The following TRAPPC12 variants were observed in gnomAD, a reference collection of about 807,000 sequenced individuals.
TRAPPC12 encodes trafficking protein particle complex subunit 12, also known as TPR repeat protein 15.
Under a neutral mutation model 69.2 loss-of-function variants are expected in TRAPPC12, and 61 were observed. The observed-to-expected ratio is 0.88, with a 90% confidence interval of 0.72 to 1.09. The LOEUF is 1.09. Ranked by LOEUF, TRAPPC12 falls within the 50% of genes least tolerant of loss-of-function variation. TRAPPC12 has a pLI of 0.00. For missense variants in TRAPPC12, 1,101 were observed against 1,016.4 expected, an observed-to-expected ratio of 1.08 and a Z score of -1.13; for synonymous variants, 469 against 438.9, an observed-to-expected ratio of 1.07 and a Z score of -0.86.
intron 5 of TRAPPC12, among the ~76,000 whole-genome samples, chr2:3,425,845 A>G (rs1394254881): frequency 6.6e-6 from 1 of 152,214 alleles, no homozygotes; most frequent in Non-Finnish European, 1.5e-5. Context: ...TTAAATAAAC[A>G]TTCTGTTGAA....
chr2:3,387,582 A>T, intron 1 of TRAPPC12, 38 bp from the exon 2 acceptor site: 1 of 1,447,498 alleles, frequency 6.9e-7, no homozygotes, highest in South Asian at 1.4e-5. Flanking sequence ...GTGAATGAAG[A>T]TCACGCTCAG....
chr2:3,397,743 C>G (rs1417743018), intron 2 of TRAPPC12, among the ~76,000 whole-genome samples: 1 of 152,182 alleles, frequency 6.6e-6, no homozygotes, highest in Admixed American at 6.5e-5. Flanking sequence ...AATGTATATT[C>G]TTTCTGACAC....
intron 7 of TRAPPC12, 152 bp downstream of exon 7, chr2:3,457,845 G>T: frequency 6.9e-7 from 1 of 1,451,070 alleles, no homozygotes; most frequent in South Asian, 1.4e-5. Context: ...CCTTTCTTGG[G>T]GAAGCCAAGC....
intron 5 of TRAPPC12, among the ~76,000 whole-genome samples, chr2:3,432,161 G>A (rs571932969): frequency 4.0e-4 from 61 of 152,336 alleles, no homozygotes; most frequent in Non-Finnish European, 6.8e-4. Context: ...AAGAAGTATA[G>A]TGCTGCTTCT....
chr2:3,438,895 C>G (rs1226136647), intron 5 of TRAPPC12, among the ~76,000 whole-genome samples: 2 of 152,086 alleles, frequency 1.3e-5, no homozygotes, highest in Admixed American at 6.5e-5. Context: ...TATAAACATT[C>G]TTTTTCAGGG....
chr2:3,448,652 A>C (rs9798273), intron 6 of TRAPPC12, among the ~76,000 whole-genome samples: 1,242 of 51,864 alleles, frequency 0.024, 17 homozygotes, highest in African/African-American at 0.052. Context: ...TAGGGCGTGG[A>C]GAGCAGCCGG....
At chr2:3,457,874 G>C in intron 7 of TRAPPC12, 181 bp downstream of exon 7, 1 of 1,436,998 alleles carries the variant, frequency 7.0e-7, no homozygotes, top group Non-Finnish European at 9.1e-7. Context: ...GGGTGATGCT[G>C]TGGGTGCAAC....
intron 9 of TRAPPC12, among the ~76,000 whole-genome samples, chr2:3,475,741 AC>A (rs1198706281): frequency 1.3e-5 from 2 of 152,110 alleles, no homozygotes; most frequent in African/African-American, 4.8e-5. Context: ...CTGGGTGTTG[AC>A]CACAGTGTTC....
chr2:3,432,520 A>C (rs1371011891), intron 5 of TRAPPC12, among the ~76,000 whole-genome samples: 1 of 152,196 alleles, frequency 6.6e-6, no homozygotes, highest in South Asian at 2.1e-4. Flanking sequence ...GCATGTTTCC[A>C]GTGTCGGATT....
chr2:3,479,237 G>C lies in TRAPPC12; in HGVS notation c.1984G>C (p.Val662Leu), dbSNP rs1209116401. ...TCCCTAGGCCAACAACAACGCTGCC[G>C]TGTGTCTGCTCTACCTGGGCAAGCT... The part of the protein sequence containing the change: ...RNAVANNNAA[V>L]CLLYLGKLKD... The change falls in exon 12 of 12, where the codon GTG becomes CTG. Residue 662 changes from valine to leucine, a missense_variant. By Grantham distance (32) the Val-to-Leu change is conservative (BLOSUM62 1). Transcript: ENST00000324266. 1 of 1,613,826 alleles carries C rather than the reference G, an allele frequency of 6.2e-7. No homozygotes were observed. Among genetic ancestry groups the C allele is most frequent in the Admixed American group, 1.7e-5 (1 of 60,010 alleles).
rs181401052 is a variant in TRAPPC12 at position 3,382,384 on chromosome 2, C to T, written c.-5+2508C>T. 2.8e-3 allele frequency among the ~76,000 whole-genome samples: 419 copies of T among 152,204 alleles called. 2 individuals are homozygous for T. Among genetic ancestry groups the T allele is most frequent in the African/African-American group, 9.0e-3 (373 of 41,534 alleles). On this transcript the variant is annotated intron_variant, in intron 1 of 11. Coordinates refer to ENST00000324266, the MANE Select transcript of TRAPPC12 (RefSeq NM_016030.6). ...TCCTGACCTCGTGGTCCGCCTGCCTCGGCCTCCCAAAGTGCTAGGATTACA... is the reference window on the plus strand; with the variant it reads ...TCCTGACCTCGTGGTCCGCCTGCCTTGGCCTCCCAAAGTGCTAGGATTACA...
intron 6 of TRAPPC12, among the ~76,000 whole-genome samples, chr2:3,448,325 C>T (rs1377255132): frequency 6.6e-6 from 1 of 152,168 alleles, no homozygotes; most frequent in Non-Finnish European, 1.5e-5. Flanking sequence ...GTTTTTTCCT[C>T]CAAATACAGA....
At chr2:3,402,548 T>G (rs1661504770) in intron 3 of TRAPPC12, among the ~76,000 whole-genome samples, 1 of 151,442 alleles carries the variant, frequency 6.6e-6, no homozygotes, top group Admixed American at 6.6e-5. Context: ...TGAGCCGAGA[T>G]CACACCACTG....
intron 1 of TRAPPC12, among the ~76,000 whole-genome samples, chr2:3,387,283 G>A (rs1660536546): frequency 6.6e-6 from 1 of 152,212 alleles, no homozygotes; most frequent in African/African-American, 2.4e-5. Flanking sequence ...GTCACAGGAA[G>A]ACAGTTATCG....
intron 3 of TRAPPC12, among the ~76,000 whole-genome samples, chr2:3,417,588 G>A (rs1182939376): frequency 6.6e-6 from 1 of 152,124 alleles, no homozygotes; most frequent in Admixed American, 6.5e-5. Flanking sequence ...CGTCGGCCTT[G>A]TGTCCCCCCG....
At chr2:3,401,105 G>C (rs1021255603) in intron 2 of TRAPPC12, among the ~76,000 whole-genome samples, 1 of 152,250 alleles carries the variant, frequency 6.6e-6, no homozygotes, top group Admixed American at 6.5e-5. Flanking sequence ...TCCCTGGCTT[G>C]CAGCATGAAG....
intron 3 of TRAPPC12, among the ~76,000 whole-genome samples, chr2:3,415,384 A>T (rs564845437): frequency 2.1e-5 from 3 of 144,508 alleles, no homozygotes; most frequent in African/African-American, 8.6e-5. Context: ...AGTAGGTTAG[A>T]TGGTGCATTC....
intron 2 of TRAPPC12, among the ~76,000 whole-genome samples, chr2:3,394,491 C>T (rs1272005578): frequency 6.6e-6 from 1 of 152,110 alleles, no homozygotes; most frequent in East Asian, 1.9e-4. Flanking sequence ...CGTGGTGGTG[C>T]ACGCCTGTAG....
chr2:3,399,775 G>A (rs1185388785), intron 2 of TRAPPC12, among the ~76,000 whole-genome samples: 1 of 152,058 alleles, frequency 6.6e-6, no homozygotes, highest in Non-Finnish European at 1.5e-5. Flanking sequence ...TGCTTCTTAG[G>A]AGAAACAACT....
Sources: gnomAD v4.1 joint callset for allele counts (sites outside exome capture counted in the v4.1 genomes callset) on GRCh38, gnomAD v4.1.1 for gene constraint, MANE v1.5 for transcripts, NCBI Gene and HGNC (gene_info 2026-07-23, HGNC 2026-07-21) for gene names.